The following CRTAC1 variants were observed in gnomAD, a reference collection of about 807,000 sequenced individuals.
The protein encoded by CRTAC1 is cartilage acidic protein 1.
In CRTAC1, 37 loss-of-function variants were observed where a neutral mutation model predicts 67.8. That is an observed-to-expected ratio of 0.55 (90% confidence interval 0.42 to 0.72). The LOEUF (loss-of-function observed/expected upper bound fraction) is 0.72, where lower values mean the gene tolerates loss of function less well. Ranked by LOEUF, CRTAC1 falls within the 30% of genes least tolerant of loss-of-function variation. The pLI, the probability that CRTAC1 is intolerant of heterozygous loss-of-function variation, is 0.00. For missense variants in CRTAC1, 780 were observed against 931.6 expected, an observed-to-expected ratio of 0.84 and a Z score of 2.12; for synonymous variants, 348 against 371.0, an observed-to-expected ratio of 0.94 and a Z score of 0.71.
At chr10:97,898,944 A>C (rs1235028798) in intron 8 of CRTAC1, among the ~76,000 whole-genome samples, 5 of 151,822 alleles carry the variant, frequency 3.3e-5, no homozygotes, top group Non-Finnish European at 5.9e-5. Flanking sequence ...TTTCACTCTC[A>C]TTAAGTGACT....
At chr10:97,948,418 G>T (rs1002329247) in intron 2 of CRTAC1, among the ~76,000 whole-genome samples, 5 of 152,160 alleles carry the variant, frequency 3.3e-5, no homozygotes, top group Non-Finnish European at 1.5e-5. Context: ...CCACAGTGTG[G>T]ATGGGTCATT....
At chr10:97,893,335 T>A (rs540499747) in intron 11 of CRTAC1, among the ~76,000 whole-genome samples, 20 of 152,198 alleles carry the variant, frequency 1.3e-4, no homozygotes, top group Non-Finnish European at 2.8e-4. Flanking sequence ...CCTTTTATAT[T>A]AAAATGGTAT....
chr10:97,928,018 A>C (rs1054240297), intron 3 of CRTAC1, among the ~76,000 whole-genome samples: 1 of 152,244 alleles, frequency 6.6e-6, no homozygotes. Context: ...TGTTAGGAGC[A>C]GGAGAGAGGT....
At chr10:97,913,281 G>C (rs2050715165) in intron 5 of CRTAC1, among the ~76,000 whole-genome samples, 1 of 152,118 alleles carries the variant, frequency 6.6e-6, no homozygotes, top group African/African-American at 2.4e-5. Flanking sequence ...AAGCCTTCTG[G>C]GAGCCTTCAG....
intron 2 of CRTAC1, among the ~76,000 whole-genome samples, chr10:97,953,415 C>A (rs1168376884): frequency 1.3e-5 from 2 of 152,068 alleles, no homozygotes; most frequent in South Asian, 4.1e-4. Context: ...GTGATAGCAG[C>A]CCAGCCGGAG....
Position 97,986,659 on chromosome 10 carries a change from C to T in CRTAC1, c.224+24479G>A, listed in dbSNP as rs369988536. The stretch of plus-strand genomic sequence containing the variant: ...AAATCAGTCCTTTAAATAATTTTAG[C>T]GTTATGAAAATATTATTAGTACATC... On this transcript the variant is annotated intron_variant, in intron 2 of 14. Transcript: ENST00000370597. 2.6e-5 allele frequency among the ~76,000 whole-genome samples: 4 copies of T among 152,196 alleles called. No homozygotes were observed. The East Asian group carries it at 7.7e-4, about 29-fold the overall frequency.
intron 4 of CRTAC1, among the ~76,000 whole-genome samples, chr10:97,923,062 G>A (rs1298071094): frequency 1.3e-5 from 2 of 152,176 alleles, no homozygotes; most frequent in Non-Finnish European, 2.9e-5. Flanking sequence ...TTCCTCACTG[G>A]TTTCTGGGAG....
chr10:97,976,854 C>G (rs2051813521), intron 2 of CRTAC1, among the ~76,000 whole-genome samples: 1 of 152,196 alleles, frequency 6.6e-6, no homozygotes, highest in Admixed American at 6.5e-5. Flanking sequence ...ATATTTGTTT[C>G]TCCTTGAGTG....
chr10:97,876,945 GTTTTTTTTTTTTTTTT>G (rs71007368), intron 14 of CRTAC1, among the ~76,000 whole-genome samples: 1 of 53,430 alleles, frequency 1.9e-5, no homozygotes, highest in African/African-American at 8.2e-5. Flanking sequence ...AGGAGGCTCT[GTTTTTTTTTTTTTTTT>G]TTTTTTTTTT....
chr10:97,997,655 A>G (rs563595739), intron 2 of CRTAC1, among the ~76,000 whole-genome samples: 3 of 152,166 alleles, frequency 2.0e-5, no homozygotes, highest in Non-Finnish European at 4.4e-5. Context: ...TATTTAAAGA[A>G]TGAAATGATG....
At chr10:97,959,056 T>C (rs1395187460) in intron 2 of CRTAC1, among the ~76,000 whole-genome samples, 1 of 152,164 alleles carries the variant, frequency 6.6e-6, no homozygotes, top group South Asian at 2.1e-4. Flanking sequence ...TATGAGACTC[T>C]GTGGGACAAG....
At chr10:98,017,358 G>T (rs189480951) in intron 1 of CRTAC1, among the ~76,000 whole-genome samples, 1 of 152,148 alleles carries the variant, frequency 6.6e-6, no homozygotes, top group Non-Finnish European at 1.5e-5. Context: ...CAGACAAGGC[G>T]AAGCTAAATA....
chr10:97,925,657 A>G (rs2050902680), intron 3 of CRTAC1, among the ~76,000 whole-genome samples: 1 of 105,676 alleles, frequency 9.5e-6, no homozygotes, highest in African/African-American at 3.7e-5. Context: ...GAGTGTGGGC[A>G]TGAGTCAGAG....
rs1843309248 is a variant in CRTAC1 at position 98,029,336 on chromosome 10, C to T, written c.24+1113G>A. Among the ~76,000 whole-genome samples, 2 of 152,146 alleles carry T rather than the reference C, an allele frequency of 1.3e-5. No individual in the cohort carries two copies. Among genetic ancestry groups the T allele is most frequent in the Non-Finnish European group, 1.5e-5 (1 of 68,026 alleles). On this transcript the variant is annotated intron_variant, in intron 1 of 14. Transcript: ENST00000370597. This position sits in a 1 kb window ranked among gnomAD's most constrained non-coding sequence, Gnocchi z 4.7. ...TAGAACTGTCCCCTGTCCTGGGACCCTCTTCCCTTCTTTTCCACTTGGCTT... is the reference window on the plus strand; with the variant it reads ...TAGAACTGTCCCCTGTCCTGGGACCTTCTTCCCTTCTTTTCCACTTGGCTT...
chr10:97,920,048 C>T (rs1266199991), intron 4 of CRTAC1, among the ~76,000 whole-genome samples: 2 of 152,104 alleles, frequency 1.3e-5, no homozygotes, highest in African/African-American at 2.4e-5. Flanking sequence ...CACACCTGGC[C>T]TAACATGGCT....
chr10:97,918,008 G>A (rs2050784456), intron 4 of CRTAC1, among the ~76,000 whole-genome samples: 1 of 152,146 alleles, frequency 6.6e-6, no homozygotes, highest in Admixed American at 6.5e-5. Flanking sequence ...AGCCAGGGTA[G>A]CTGCTCAATA....
intron 5 of CRTAC1, among the ~76,000 whole-genome samples, chr10:97,913,733 T>C (rs1231656655): frequency 6.6e-6 from 1 of 152,122 alleles, no homozygotes; most frequent in African/African-American, 2.4e-5. Context: ...GGGGAGCCTG[T>C]CACTCCAGCC....
chr10:97,880,894 C>A (rs10786376), intron 13 of CRTAC1, among the ~76,000 whole-genome samples: 2 of 151,992 alleles, frequency 1.3e-5, no homozygotes, highest in East Asian at 1.9e-4. Flanking sequence ...GAAATCAGAG[C>A]GACCCCTGAT....
In CRTAC1 at chr10:98,030,373, G is replaced by C; in HGVS notation, c.24+76C>G. 1.0e-6 allele frequency: 1 copy of C among 964,650 alleles called. No homozygotes were observed. The highest frequency in any genetic ancestry group is 5.3e-5 in the South Asian group (1 of 18,934). The allele number at this position is 964,650 out of a possible 1,614,324, so 59.8% of individuals were successfully genotyped here. On this transcript the variant is annotated intron_variant, in intron 1 of 14. Transcript: ENST00000370597. The surrounding 1 kb of genome is among the most constrained non-coding windows in gnomAD (Gnocchi z 4.2). ...GGCGGCGTCCCCGCCACCCTTGCGG[G>C]CGGATCCGGGGGGGCGCGCAGAGCT... is the stretch of plus-strand genomic sequence containing the variant.
Sources: gnomAD v4.1 joint callset for allele counts (sites outside exome capture counted in the v4.1 genomes callset) on GRCh38, gnomAD v4.1.1 for gene constraint, Gnocchi (gnomAD v3.1) non-coding constraint, MANE v1.5 for transcripts, NCBI Gene and HGNC (gene_info 2026-07-23, HGNC 2026-07-21) for gene names.